FNDC3B: variants seen among roughly 807,000 people sequenced by gnomAD.
The protein encoded by FNDC3B is fibronectin type III domain-containing protein 3B.
A neutral mutation model predicts 151.5 loss-of-function variants in FNDC3B; 12 were observed. The ratio of observed to expected loss-of-function variants is 0.08; its 90% CI spans 0.05 to 0.13. The LOEUF (loss-of-function observed/expected upper bound fraction) is 0.13. FNDC3B is among the 10% of genes least tolerant of loss of function. FNDC3B has a pLI of 1.00. For synonymous variants in FNDC3B, 528 were observed against 549.0 expected (o/e 0.96, Z 0.54); for missense variants, 1,214 against 1,505.3 (o/e 0.81, Z 3.20).
At chr3:172,346,103 A>T (rs189659194) in intron 19 of FNDC3B, 13 of 281,234 alleles carry the variant, frequency 4.6e-5, no homozygotes, top group Middle Eastern at 2.0e-3. Flanking sequence ...TTATTTTACA[A>T]TTAAAAAAAT....
chr3:172,374,911 A>G (rs1466872201), intron 23 of FNDC3B, among the ~76,000 whole-genome samples: 1 of 152,230 alleles, frequency 6.6e-6, no homozygotes, highest in Non-Finnish European at 1.5e-5. Context: ...AAGTTTAACT[A>G]GAATCTATTT....
chr3:172,082,654 C>G (rs1215956242), intron 1 of FNDC3B, among the ~76,000 whole-genome samples: 1 of 152,200 alleles, frequency 6.6e-6, no homozygotes, highest in Non-Finnish European at 1.5e-5. Context: ...GGAATTGTAA[C>G]TGGAAAAAGA....
At chr3:172,110,748 C>T (rs1202314201) in intron 1 of FNDC3B, among the ~76,000 whole-genome samples, 1 of 151,962 alleles carries the variant, frequency 6.6e-6, no homozygotes, top group Non-Finnish European at 1.5e-5. Flanking sequence ...TGCTTCTCCA[C>T]CCTTAGATCC....
chr3:172,375,712 T>G (rs1735096182), intron 23 of FNDC3B, among the ~76,000 whole-genome samples: 1 of 152,098 alleles, frequency 6.6e-6, no homozygotes, highest in African/African-American at 2.4e-5. Context: ...ATTGCCGGAG[T>G]AGACAGTGGG....
At chr3:172,375,041 A>G (rs1019718446) in intron 23 of FNDC3B, among the ~76,000 whole-genome samples, 4 of 152,144 alleles carry the variant, frequency 2.6e-5, no homozygotes, top group Non-Finnish European at 5.9e-5. Context: ...CATCCCTTTC[A>G]TGTCATGGTT....
chr3:172,050,184 G>A (rs149428670), intron 1 of FNDC3B, among the ~76,000 whole-genome samples: 24 of 151,836 alleles, frequency 1.6e-4, no homozygotes, highest in East Asian at 3.9e-4. Context: ...CCTAAACGTC[G>A]GATGAAAAGT....
At chr3:172,166,243 A>G (rs905606940) in intron 3 of FNDC3B, among the ~76,000 whole-genome samples, 2 of 152,200 alleles carry the variant, frequency 1.3e-5, no homozygotes, top group African/African-American at 4.8e-5. Flanking sequence ...TTCCCAGTAT[A>G]TATTGGACTA....
chr3:172,338,547 G>A (rs1254610553), intron 16 of FNDC3B, among the ~76,000 whole-genome samples: 1 of 151,932 alleles, frequency 6.6e-6, no homozygotes, highest in East Asian at 1.9e-4. Flanking sequence ...ATTCATACTG[G>A]GTGGATTAAC....
rs1734425938 is a variant in FNDC3B, at chr3:172,362,717, G to A, written c.2880G>A (p.Leu960=). 6.2e-7 allele frequency: 1 copy of A among 1,613,964 alleles called. No homozygotes were observed. Among genetic ancestry groups the A allele is most frequent in the Non-Finnish European group, 8.5e-7 (1 of 1,179,978 alleles). The part of the protein sequence containing the change: ...IKAKTRPLPP[L]PPRLECAAAG... ...CAAAAACTCGGCCATTACCACCCTT[G>A]CCTCCTAGGCTAGAATGTGCTGCTG... is the stretch of plus-strand genomic sequence containing the variant. The change falls in exon 23 of 26, where the codon TTG becomes TTA. Residue 960 remains leucine (L), a synonymous_variant. Coordinates refer to ENST00000415807, the MANE Select transcript of FNDC3B (RefSeq NM_022763.4).
intron 3 of FNDC3B, among the ~76,000 whole-genome samples, chr3:172,214,745 T>C (rs1725893673): frequency 6.6e-6 from 1 of 152,256 alleles, no homozygotes; most frequent in Admixed American, 6.5e-5. Flanking sequence ...GCCTTTGGAT[T>C]TTAAGTGCAT....
chr3:172,344,533 G>A (rs367965481), intron 19 of FNDC3B, among the ~76,000 whole-genome samples: 1 of 152,126 alleles, frequency 6.6e-6, no homozygotes, highest in Non-Finnish European at 1.5e-5. Context: ...AGATATTTTC[G>A]ACAGTTTTTG....
At chr3:172,182,397 C>G (rs769541873) in intron 3 of FNDC3B, among the ~76,000 whole-genome samples, 1 of 152,286 alleles carries the variant, frequency 6.6e-6, no homozygotes, top group South Asian at 2.1e-4. Context: ...ATGCTAGACA[C>G]CAACAGAACT....
intron 1 of FNDC3B, among the ~76,000 whole-genome samples, chr3:172,090,052 A>C (rs566169707): frequency 1.3e-5 from 2 of 152,366 alleles, no homozygotes; most frequent in Non-Finnish European, 2.9e-5. Flanking sequence ...ACTGCTTTAA[A>C]ATTTTTAAAA....
At chr3:172,177,870 G>A (rs1723692499) in intron 3 of FNDC3B, among the ~76,000 whole-genome samples, 1 of 151,582 alleles carries the variant, frequency 6.6e-6, no homozygotes, top group Admixed American at 6.6e-5. Flanking sequence ...TCCCTGACAG[G>A]CCCCAGTGTG....
At chr3:172,318,808 C>G (rs531314774) in intron 11 of FNDC3B, among the ~76,000 whole-genome samples, 41 of 152,192 alleles carry the variant, frequency 2.7e-4, no homozygotes, top group Non-Finnish European at 5.6e-4. Context: ...CATTTTGGCT[C>G]TGTCCATCAG....
intron 1 of FNDC3B, among the ~76,000 whole-genome samples, chr3:172,101,879 T>G (rs921063530): frequency 5.9e-5 from 9 of 152,254 alleles, no homozygotes; most frequent in Non-Finnish European, 8.8e-5. Flanking sequence ...TAAGCTACTT[T>G]AAAATGTGCT....
At chr3:172,175,800 G>C (rs1279842811) in intron 3 of FNDC3B, among the ~76,000 whole-genome samples, 1 of 152,138 alleles carries the variant, frequency 6.6e-6, no homozygotes, top group East Asian at 1.9e-4. Context: ...CTCCCCAGAA[G>C]ACATTGTTTT....
chr3:172,281,934 A>T (rs542089710), intron 6 of FNDC3B, among the ~76,000 whole-genome samples: 2 of 152,302 alleles, frequency 1.3e-5, no homozygotes, highest in Admixed American at 6.5e-5. Flanking sequence ...AAAAGAAAAC[A>T]TGCCACCAAA....
At chr3:172,049,002 T>A (rs1369846090) in intron 1 of FNDC3B, among the ~76,000 whole-genome samples, 1 of 152,138 alleles carries the variant, frequency 6.6e-6, no homozygotes, top group Admixed American at 6.5e-5. Context: ...AGAATTTCTG[T>A]TTGGGATGAT....
Sources: allele counts gnomAD v4.1 joint callset (sites outside exome capture counted in the v4.1 genomes callset), GRCh38; gene constraint gnomAD v4.1.1; transcripts MANE v1.5; gene names NCBI Gene and HGNC (gene_info 2026-07-23, HGNC 2026-07-21).